NIPSNAP3A: variants seen among roughly 807,000 people sequenced by gnomAD.
The protein encoded by NIPSNAP3A is nipsnap homolog 3A.
Under a neutral mutation model 32.3 loss-of-function variants are expected in NIPSNAP3A, and 27 were observed. That is an observed-to-expected ratio of 0.84 (90% confidence interval 0.62 to 1.15). NIPSNAP3A has a LOEUF of 1.15. Among genes scored for constraint, NIPSNAP3A ranks in the 50% most tolerant of loss-of-function variants. NIPSNAP3A has a pLI of 0.00. For synonymous variants in NIPSNAP3A, 108 were observed against 107.3 expected (o/e 1.01, Z -0.04); for missense variants, 278 against 297.2 (o/e 0.94, Z 0.48).
chr9:104,752,514 C>T (rs1436872749), intron 2 of NIPSNAP3A, among the ~76,000 whole-genome samples: 1 of 152,160 alleles, frequency 6.6e-6, no homozygotes, highest in African/African-American at 2.4e-5. Flanking sequence ...TGAGTATTAA[C>T]TAGTGCCAAC....
At chr9:104,758,995 A>T in intron 4 of NIPSNAP3A, 90 bp from the exon 5 acceptor site, 5 of 1,075,600 alleles carry the variant, frequency 4.6e-6, no homozygotes, top group African/African-American at 1.7e-5. Flanking sequence ...AAAAAAAAAA[A>T]AGAATAGGAT....
chr9:104,754,465 G>A (rs941562287), intron 3 of NIPSNAP3A, 86 bp from the exon 4 acceptor site: 24 of 1,102,574 alleles, frequency 2.2e-5, no homozygotes, highest in Non-Finnish European at 3.2e-5. Context: ...ATCTGTGTGT[G>A]TAGATAGTGA....
chr9:104,751,962 G>C (rs1181623960), intron 2 of NIPSNAP3A, among the ~76,000 whole-genome samples: 3 of 152,060 alleles, frequency 2.0e-5, no homozygotes. Context: ...TTTAGTGTTT[G>C]GTTTAGGGTT....
intron 4 of NIPSNAP3A, among the ~76,000 whole-genome samples, chr9:104,758,003 T>C (rs1264845081): frequency 6.6e-6 from 1 of 152,144 alleles, no homozygotes; most frequent in Non-Finnish European, 1.5e-5. Flanking sequence ...TAGTTTGTTT[T>C]TAATCTGCAT....
chr9:104,756,792 G>C (rs10124782), intron 4 of NIPSNAP3A, among the ~76,000 whole-genome samples: 3,498 of 150,784 alleles, frequency 0.023, 163 homozygotes, highest in East Asian at 0.22. Flanking sequence ...GAGATAAATG[G>C]TTAAGTCTCT....
intron 2 of NIPSNAP3A, among the ~76,000 whole-genome samples, chr9:104,752,221 A>T (rs1827854768): frequency 6.6e-6 from 1 of 152,106 alleles, no homozygotes. Flanking sequence ...GGGTAACTTA[A>T]ATAGAAGAGA....
Position 104,759,530 on chromosome 9 carries a change from T to C in NIPSNAP3A, c.*192T>C. The C allele has an allele frequency of 1.7e-6, 1 of 589,728 alleles. No individual in the cohort carries two copies. Among genetic ancestry groups the C allele is most frequent in the Non-Finnish European group, 3.0e-6 (1 of 333,924 alleles). The allele number at this position is 589,728 out of a possible 1,614,324, so 36.5% of individuals were successfully genotyped here. A position where few individuals can be genotyped will look rare whatever the true frequency, so the allele number is the denominator to read the frequency against. ...TCAAAAAATAGTTCTGTTTACTTTC[T>C]GCATGGTATTTCAGTGTCTGTCATA... On this transcript the variant is annotated 3_prime_UTR_variant, in exon 6 of 6. Transcript: ENST00000374767.
In NIPSNAP3A at chr9:104,759,177, C is replaced by G; in HGVS notation, c.667+6C>G. 1 of 1,613,664 alleles carries G rather than the reference C, an allele frequency of 6.2e-7. No homozygotes were observed. The highest frequency in any genetic ancestry group is 8.5e-7 in the Non-Finnish European group (1 of 1,179,762). Reference sequence around the variant, plus strand: ...TCCCAGAGTTGTGGCAGCTGGTAAGCTGTTTGACTAGGCATGAATTATTTT... The same window carrying G: ...TCCCAGAGTTGTGGCAGCTGGTAAGGTGTTTGACTAGGCATGAATTATTTT... On this transcript the variant is annotated splice_donor_region_variant and intron_variant, in intron 5 of 5. Coordinates refer to ENST00000374767, the MANE Select transcript of NIPSNAP3A (RefSeq NM_015469.3).
intron 4 of NIPSNAP3A, among the ~76,000 whole-genome samples, chr9:104,755,752 CA>C (rs146073201): frequency 2.0e-5 from 3 of 151,542 alleles, no homozygotes; most frequent in Admixed American, 1.3e-4. Flanking sequence ...CTTGTCTCTA[CA>C]AAAAAAATTT....
chr9:104,750,400 A>G (rs1234854507), intron 1 of NIPSNAP3A, among the ~76,000 whole-genome samples: 21 of 152,216 alleles, frequency 1.4e-4, no homozygotes, highest in Admixed American at 1.4e-3. Context: ...AGTTGTCTTT[A>G]TTGACACCTC....
intron 4 of NIPSNAP3A, among the ~76,000 whole-genome samples, chr9:104,757,729 A>G (rs1827922420): frequency 6.6e-6 from 1 of 152,140 alleles, no homozygotes; most frequent in South Asian, 2.1e-4. Flanking sequence ...ATGCTTATAT[A>G]TGTTTATTTG....
At position 104,753,030 on chromosome 9, in the gene NIPSNAP3A, A is replaced by G. The variant is rs1407371867; in HGVS notation, c.396A>G (p.Val132=). ...AAGAGAGTGAGATTACTTATCTGGTACCATGGTGCAAATTAGAAAAACCTC... is the reference window on the plus strand; with the variant it reads ...AAGAGAGTGAGATTACTTATCTGGTGCCATGGTGCAAATTAGAAAAACCTC... ...DKQESEITYL[V]PWCKLEKPPK... Residue 132 remains valine, a synonymous_variant, in exon 3 of 6, where the codon GTA becomes GTG. Transcript: ENST00000374767. The G allele has an allele frequency of 4.3e-6, 7 of 1,609,992 alleles. No individual in the cohort carries two copies. The highest frequency in any genetic ancestry group is 1.7e-5 in the Admixed American group (1 of 59,994).
chr9:104,758,569 T>C (rs1827931793), intron 4 of NIPSNAP3A, among the ~76,000 whole-genome samples: 1 of 152,278 alleles, frequency 6.6e-6, no homozygotes, highest in African/African-American at 2.4e-5. Context: ...ATTTGATTAA[T>C]TTATCAATTT....
chr9:104,759,000 TAG>T, intron 4 of NIPSNAP3A, 83 bp from the exon 5 acceptor site: 1 of 789,558 alleles, frequency 1.3e-6, no homozygotes, highest in Non-Finnish European at 2.0e-6. Flanking sequence ...AAAAAAAGAA[TAG>T]GATGGGTTTG....
chr9:104,754,460 T>C, intron 3 of NIPSNAP3A, 91 bp from the exon 4 acceptor site: 1 of 1,039,564 alleles, frequency 9.6e-7, no homozygotes, highest in African/African-American at 1.6e-5. Context: ...TCCAAATCTG[T>C]GTGTGTAGAT....
Position 104,759,559 on chromosome 9 carries a change from TA to T in NIPSNAP3A, c.*226del. On this transcript the variant is annotated 3_prime_UTR_variant, in exon 6 of 6. Transcript: ENST00000374767. Reference sequence around the variant, plus strand: ...TGGTATTTCAGTGTCTGTCATACATTAAAAATACTTGTCACTGTTTTAAGAT... The same window carrying T: ...TGGTATTTCAGTGTCTGTCATACATTAAAATACTTGTCACTGTTTTAAGAT... 1.9e-6 allele frequency: 1 copy of T among 532,936 alleles called. No individual in the cohort carries two copies. Among genetic ancestry groups the T allele is most frequent in the Non-Finnish European group, 3.4e-6 (1 of 297,524 alleles). The allele number at this position is 532,936 out of a possible 1,614,324, so 33.0% of individuals were successfully genotyped here. A position where few individuals can be genotyped will look rare whatever the true frequency, so the allele number is the denominator to read the frequency against.
At chr9:104,756,504 A>G (rs1827908013) in intron 4 of NIPSNAP3A, among the ~76,000 whole-genome samples, 1 of 152,164 alleles carries the variant, frequency 6.6e-6, no homozygotes, top group Non-Finnish European at 1.5e-5. Context: ...ATGCATATTA[A>G]AACAATAATG....
chr9:104,753,381 G>A (rs1827869301), intron 3 of NIPSNAP3A, among the ~76,000 whole-genome samples: 1 of 152,154 alleles, frequency 6.6e-6, no homozygotes, highest in African/African-American at 2.4e-5. Flanking sequence ...TGATAGGTAA[G>A]GGATAGCATA....
chr9:104,757,042 G>A (rs944967656), intron 4 of NIPSNAP3A, among the ~76,000 whole-genome samples: 1 of 151,918 alleles, frequency 6.6e-6, no homozygotes. Flanking sequence ...TGATCCGCCC[G>A]CCTCGGCCTC....
Sources: gnomAD v4.1 joint callset for allele counts (sites outside exome capture counted in the v4.1 genomes callset) on GRCh38, gnomAD v4.1.1 for gene constraint, MANE v1.5 for transcripts, NCBI Gene and HGNC (gene_info 2026-07-23, HGNC 2026-07-21) for gene names.